The following RABGAP1L variants were observed in gnomAD, a reference collection of about 807,000 sequenced individuals.
RABGAP1L encodes RAB GTPase activating protein 1 like.
Under a neutral mutation model 137.7 loss-of-function variants are expected in RABGAP1L, and 63 were observed. That is an observed-to-expected ratio of 0.46 (90% CI 0.37 to 0.56). RABGAP1L has a LOEUF of 0.56. RABGAP1L is among the 20% of genes least tolerant of loss of function. The pLI is 0.00. For synonymous variants in RABGAP1L, 431 were observed against 433.7 expected (o/e 0.99, Z 0.08); for missense variants, 1,095 against 1,244.0 (o/e 0.88, Z 1.80).
intron 1 of RABGAP1L, among the ~76,000 whole-genome samples, chr1:174,175,480 GCTTT>G (rs1244843072): frequency 2.2e-4 from 33 of 150,852 alleles, no homozygotes; most frequent in African/African-American, 8.0e-4. Context: ...TAGACTACAG[GCTTT>G]CTTTTTTCTT....
chr1:174,915,130 A>G (rs1276848325), intron 19 of RABGAP1L, among the ~76,000 whole-genome samples: 2 of 152,290 alleles, frequency 1.3e-5, no homozygotes, highest in East Asian at 1.9e-4. Context: ...TAATGCTCCT[A>G]TGAATGTTCC....
intron 13 of RABGAP1L, among the ~76,000 whole-genome samples, chr1:174,602,525 G>T (rs1670492935): frequency 6.6e-6 from 1 of 152,228 alleles, no homozygotes. Flanking sequence ...TGCAATTCAA[G>T]TTGAGATTTG....
intron 17 of RABGAP1L, among the ~76,000 whole-genome samples, chr1:174,720,670 C>T (rs965204482): frequency 1.3e-5 from 2 of 152,098 alleles, no homozygotes; most frequent in East Asian, 3.8e-4. Flanking sequence ...CTTCACACCC[C>T]TCTCTCCATA....
chr1:174,944,646 A>T (rs76072140), intron 19 of RABGAP1L, among the ~76,000 whole-genome samples: 5 of 107,020 alleles, frequency 4.7e-5, no homozygotes, highest in African/African-American at 3.7e-4. Context: ...CAAAAAATTA[A>T]AAAAAAAAAA....
chr1:174,885,693 C>T (rs980502092), intron 19 of RABGAP1L, among the ~76,000 whole-genome samples: 2 of 151,748 alleles, frequency 1.3e-5, no homozygotes, highest in African/African-American at 2.4e-5. Flanking sequence ...TAAGACCAGG[C>T]GTAGTTGCTC....
chr1:174,638,888 G>C (rs1229888963), intron 14 of RABGAP1L, among the ~76,000 whole-genome samples: 1 of 130,046 alleles, frequency 7.7e-6, no homozygotes, highest in Admixed American at 7.8e-5. Context: ...GACTGTGGTG[G>C]GGTTGGGGGA....
intron 11 of RABGAP1L, among the ~76,000 whole-genome samples, chr1:174,364,436 A>G (rs1003958873): frequency 6.7e-6 from 1 of 148,980 alleles, no homozygotes; most frequent in Non-Finnish European, 1.5e-5. Flanking sequence ...TTGTATTTTT[A>G]GTAGAGACGG....
chr1:174,384,038 CA>C (rs1043700223), intron 12 of RABGAP1L, among the ~76,000 whole-genome samples: 1 of 152,150 alleles, frequency 6.6e-6, no homozygotes, highest in African/African-American at 2.4e-5. Context: ...AAATGTCCGT[CA>C]AAAGTAAATG....
chr1:174,756,361 G>T lies in RABGAP1L; in HGVS notation c.2211+4007G>T, dbSNP rs536871772. Among the ~76,000 whole-genome samples, 337 of 152,164 alleles carry T rather than the reference G, an allele frequency of 2.2e-3. 2 individuals carry two copies. The highest frequency in any genetic ancestry group is 2.7e-3 in the Non-Finnish European group (184 of 68,006). On this transcript the variant is annotated intron_variant, in intron 18 of 25. Coordinates refer to ENST00000681986, the MANE Select transcript of RABGAP1L (RefSeq NM_001366446.1). The stretch of plus-strand genomic sequence containing the variant: ...GACGGGGTTTCACCATGTTGGCCAG[G>T]CTGGTCTCGAACTCCTAACCTCAGG...
intron 19 of RABGAP1L, among the ~76,000 whole-genome samples, chr1:174,849,090 G>T (rs1012210178): frequency 6.6e-6 from 1 of 152,164 alleles, no homozygotes; most frequent in Non-Finnish European, 1.5e-5. Context: ...TTCGGCTCGC[G>T]CACGGTGCGT....
intron 19 of RABGAP1L, among the ~76,000 whole-genome samples, chr1:174,873,804 C>T (rs555996298): frequency 3.3e-5 from 5 of 152,172 alleles, no homozygotes; most frequent in East Asian, 1.9e-4. Flanking sequence ...CCACTGCGCC[C>T]GGTGAGGTGA....
At chr1:174,944,274 CAAAAAAAA>C (rs56225773) in intron 19 of RABGAP1L, among the ~76,000 whole-genome samples, 2 of 50,860 alleles carry the variant, frequency 3.9e-5, no homozygotes, top group African/African-American at 7.4e-5. Context: ...AAGACTGTCT[CAAAAAAAA>C]AAAAAAAAAA....
chr1:174,712,987 T>C (rs1181095610), intron 17 of RABGAP1L, among the ~76,000 whole-genome samples: 2 of 152,130 alleles, frequency 1.3e-5, no homozygotes, highest in African/African-American at 4.8e-5. Context: ...TCTTGGGAAA[T>C]GCAATATTTG....
chr1:174,174,007 T>C lies in RABGAP1L; in HGVS notation c.-34+14350T>C, dbSNP rs1289248100. On this transcript the variant is annotated intron_variant, in intron 1 of 25. Coordinates refer to ENST00000681986, the MANE Select transcript of RABGAP1L (RefSeq NM_001366446.1). ...TAGTTGTCAGTTTAATAAGAAATTC[T>C]TTATAAATAAAGCTCTTTAGGCTGT... is the stretch of plus-strand genomic sequence containing the variant. Among the ~76,000 whole-genome samples, 5 of 152,362 alleles carry C rather than the reference T, an allele frequency of 3.3e-5. No homozygotes were observed. In the East Asian group the frequency reaches 9.6e-4, roughly 29 times the overall value.
chr1:174,422,466 C>T (rs1274273023), intron 13 of RABGAP1L, among the ~76,000 whole-genome samples: 1 of 151,988 alleles, frequency 6.6e-6, no homozygotes, highest in Admixed American at 6.5e-5. Flanking sequence ...ATTCATATTT[C>T]ACAGACATTC....
chr1:174,872,242 T>G (rs1652319048), intron 19 of RABGAP1L, among the ~76,000 whole-genome samples: 1 of 152,136 alleles, frequency 6.6e-6, no homozygotes, highest in South Asian at 2.1e-4. Flanking sequence ...GCTGAATGGC[T>G]GGTATTCAAC....
At chr1:174,557,496 T>A (rs2148006557) in intron 13 of RABGAP1L, among the ~76,000 whole-genome samples, 1 of 152,334 alleles carries the variant, frequency 6.6e-6, no homozygotes, top group Middle Eastern at 3.4e-3. Context: ...TTTGGGGAAC[T>A]GTGGCTCCAC....
At chr1:174,883,307 G>A (rs1440055371) in intron 19 of RABGAP1L, among the ~76,000 whole-genome samples, 2 of 152,198 alleles carry the variant, frequency 1.3e-5, no homozygotes. Flanking sequence ...TTAGCACAGT[G>A]AAAGCTGTAA....
chr1:174,852,131 G>A (rs1233524585), intron 19 of RABGAP1L, among the ~76,000 whole-genome samples: 1 of 152,040 alleles, frequency 6.6e-6, no homozygotes, highest in Non-Finnish European at 1.5e-5. Context: ...TTATTTAATT[G>A]ATAGTACTTT....
Sources: gnomAD v4.1 joint callset for allele counts (sites outside exome capture counted in the v4.1 genomes callset) on GRCh38, gnomAD v4.1.1 for gene constraint, MANE v1.5 for transcripts, NCBI Gene and HGNC (gene_info 2026-07-23, HGNC 2026-07-21) for gene names.